OLFML2B: variants seen among roughly 807,000 people sequenced by gnomAD.
OLFML2B encodes the protein olfactomedin-like protein 2B.
OLFML2B carries 57 observed loss-of-function variants against 74.9 expected under a neutral mutation model. That is an observed-to-expected ratio of 0.76 (90% CI 0.61 to 0.95). OLFML2B has a LOEUF of 0.95. OLFML2B is among the 40% of genes least tolerant of loss of function. The probability of loss-of-function intolerance (pLI) is 0.00; values close to 1 mark genes in which losing one functional copy is unlikely to be tolerated. For synonymous variants in OLFML2B, 388 were observed against 405.8 expected, an observed-to-expected ratio of 0.96 and a Z score of 0.53; for missense variants, 986 against 970.6, an observed-to-expected ratio of 1.02 and a Z score of -0.21.
intron 6 of OLFML2B, among the ~76,000 whole-genome samples, chr1:161,994,110 T>G (rs1190915731): frequency 6.6e-6 from 1 of 152,242 alleles, no homozygotes; most frequent in Non-Finnish European, 1.5e-5. Context: ...GATTTCCAGT[T>G]TTCTGAGCAA....
chr1:161,986,896 G>C (rs1313670423), intron 6 of OLFML2B, among the ~76,000 whole-genome samples: 4 of 152,244 alleles, frequency 2.6e-5, no homozygotes, highest in Non-Finnish European at 1.5e-5. Context: ...GGTGTTTTCT[G>C]TCTGGGGATT....
intron 2 of OLFML2B, 114 bp downstream of exon 2, chr1:162,019,805 G>C: frequency 7.6e-7 from 1 of 1,321,858 alleles, no homozygotes; most frequent in Non-Finnish European, 1.0e-6. Flanking sequence ...AGCACTCTAG[G>C]GAACAGGCCT....
chr1:161,989,929 G>A (rs920926288), intron 6 of OLFML2B, among the ~76,000 whole-genome samples: 1 of 152,198 alleles, frequency 6.6e-6, no homozygotes, highest in African/African-American at 2.4e-5. Flanking sequence ...CAGGAAGAAG[G>A]CAGTGGTGTT....
intron 5 of OLFML2B, among the ~76,000 whole-genome samples, chr1:161,999,533 G>A (rs1039407227): frequency 1.4e-4 from 22 of 152,148 alleles, no homozygotes; most frequent in Admixed American, 1.2e-3. Flanking sequence ...CTGGGGAGAG[G>A]GGAAGAGTCG....
At chr1:162,008,076 T>C (rs1281188785) in intron 3 of OLFML2B, among the ~76,000 whole-genome samples, 3 of 152,272 alleles carry the variant, frequency 2.0e-5, no homozygotes, top group Non-Finnish European at 4.4e-5. Flanking sequence ...GGTAAGAGCA[T>C]GGATTTTGAA....
Position 162,000,215 on chromosome 1 carries a change from C to T in OLFML2B, c.847G>A (p.Val283Ile). 6.2e-7 allele frequency: 1 copy of T among 1,613,892 alleles called. No individual in the cohort carries two copies. The highest frequency in any genetic ancestry group is 8.5e-7 in the Non-Finnish European group (1 of 1,179,996). The change falls in exon 5 of 8, where the codon GTC becomes ATC. Residue 283 changes from valine to isoleucine, a missense_variant. Val to Ile is a conservative substitution (Grantham distance 29). Coordinates refer to ENST00000294794, the MANE Select transcript of OLFML2B (RefSeq NM_015441.3). Reference sequence around the variant, plus strand: ...GAGGCCGGCCGGCCTCTCAGGTGGACCTGCCTCTGCAGGGGCCGCTGTGAC... The same window carrying T: ...GAGGCCGGCCGGCCTCTCAGGTGGATCTGCCTCTGCAGGGGCCGCTGTGAC... Reference protein sequence around the residue: ...VKSQRPLQRQVHLRGRPASQP... With the variant: ...VKSQRPLQRQIHLRGRPASQP...
Position 162,023,417 on chromosome 1 carries a change from C to G in OLFML2B, c.14G>C (p.Arg5Pro), listed in dbSNP as rs760461835. 2 of 1,569,008 alleles carry G rather than the reference C, an allele frequency of 1.3e-6. No homozygotes were observed. The highest frequency in any genetic ancestry group is 4.7e-5 in the East Asian group (2 of 42,522). The stretch of plus-strand genomic sequence containing the variant: ...CAGAGCGAAGTAGAGAACTAGCAGC[C>G]GAGGCTTGGCCATGAGGGGCGCGAT... MAKP[R>P]LLVLYFALIV... Residue 5 changes from arginine (R) to proline (P), a missense_variant, in exon 1 of 8, where the codon CGG becomes CCG. By Grantham distance (103) the Arg-to-Pro change is moderately radical. Transcript: ENST00000294794.
chr1:161,986,067 G>A (rs183299007), intron 6 of OLFML2B, among the ~76,000 whole-genome samples: 2 of 152,336 alleles, frequency 1.3e-5, no homozygotes, highest in Admixed American at 1.3e-4. Context: ...TTATGGAGGA[G>A]GTGGGAAGAG....
At chr1:161,987,729 C>T (rs141301483) in intron 6 of OLFML2B, among the ~76,000 whole-genome samples, 20 of 152,258 alleles carry the variant, frequency 1.3e-4, no homozygotes, top group African/African-American at 4.6e-4. Context: ...CAGATGGAGT[C>T]AGCTTCTTGG....
chr1:162,015,815 G>A (rs983750976), intron 3 of OLFML2B, among the ~76,000 whole-genome samples: 1 of 152,170 alleles, frequency 6.6e-6, no homozygotes, highest in African/African-American at 2.4e-5. Flanking sequence ...AGTTCTTTGA[G>A]AGAACCCCTT....
chr1:162,015,645 T>C (rs1690508541), intron 3 of OLFML2B, among the ~76,000 whole-genome samples: 1 of 152,210 alleles, frequency 6.6e-6, no homozygotes, highest in African/African-American at 2.4e-5. Flanking sequence ...TTAATTCCTT[T>C]TGAATGTATC....
At chr1:162,009,707 G>A (rs1325174033) in intron 3 of OLFML2B, among the ~76,000 whole-genome samples, 1 of 152,194 alleles carries the variant, frequency 6.6e-6, no homozygotes, top group Non-Finnish European at 1.5e-5. Context: ...TGGCCTGCAG[G>A]GCTCAGCCAG....
rs144106298 is a variant in OLFML2B at position 161,995,055 on chromosome 1, C to T, written c.1474+2770G>A. Among the ~76,000 whole-genome samples, 199 of 152,292 alleles carry T rather than the reference C, an allele frequency of 1.3e-3. 4 individuals carry two copies. In the East Asian group the frequency reaches 0.029, roughly 23 times the overall value. On this transcript the variant is annotated intron_variant, in intron 6 of 7. Transcript: ENST00000294794. ...ATGACTGGGAGATGTCATCACATCA[C>T]GGTCTTTCTTGGCCAGACACAGGCA...
chr1:162,009,971 C>G (rs72712102), intron 3 of OLFML2B, among the ~76,000 whole-genome samples: 11,419 of 152,326 alleles, frequency 0.075, 524 homozygotes, highest in South Asian at 0.16. Context: ...CCCCCTGGGA[C>G]AGCTGCAACC....
intron 1 of OLFML2B, among the ~76,000 whole-genome samples, chr1:162,021,216 A>G (rs1048473864): frequency 6.6e-6 from 1 of 152,256 alleles, no homozygotes; most frequent in African/African-American, 2.4e-5. Flanking sequence ...TCCAGAAGTT[A>G]GTAAGGTTTA....
chr1:161,984,346 T>C, intron 7 of OLFML2B, 70 bp from the exon 8 acceptor site: 1 of 1,501,684 alleles, frequency 6.7e-7, no homozygotes, highest in Non-Finnish European at 8.9e-7. Flanking sequence ...TGTGGTTAAG[T>C]GAGTGATGAT....
chr1:162,000,090 C>A, intron 5 of OLFML2B, 23 bp downstream of exon 5: 1 of 1,544,564 alleles, frequency 6.5e-7, no homozygotes, highest in Non-Finnish European at 8.8e-7. Context: ...GCCTCTGGGG[C>A]GGCCCTGTTG....
At chr1:162,012,501 C>T (rs78166618) in intron 3 of OLFML2B, among the ~76,000 whole-genome samples, 7,955 of 152,224 alleles carry the variant, frequency 0.052, 673 homozygotes, top group African/African-American at 0.18. Context: ...GTAAATCCAT[C>T]GTGGACTTAA....
At chr1:162,005,181 A>G (rs1319932790) in intron 4 of OLFML2B, among the ~76,000 whole-genome samples, 1 of 152,278 alleles carries the variant, frequency 6.6e-6, no homozygotes, top group East Asian at 1.9e-4. Context: ...AACCATTAGT[A>G]CATAAACATA....
Sources: allele counts gnomAD v4.1 joint callset (sites outside exome capture counted in the v4.1 genomes callset), GRCh38; gene constraint gnomAD v4.1.1; transcripts MANE v1.5; gene names NCBI Gene and HGNC (gene_info 2026-07-23, HGNC 2026-07-21).